APLP2: variants seen among roughly 807,000 people sequenced by gnomAD.
APLP2 encodes the protein CDEI box-binding protein.
APLP2 carries 53 observed loss-of-function variants against 89.9 expected under a neutral mutation model. The observed-to-expected ratio is 0.59, with a 90% confidence interval of 0.47 to 0.74. The LOEUF (loss-of-function observed/expected upper bound fraction) is 0.74, where lower values mean the gene tolerates loss of function less well. Among genes scored for constraint, APLP2 ranks in the 30% least tolerant of loss-of-function variants. The pLI is 0.00. For synonymous variants in APLP2, 372 were observed against 348.6 expected (o/e 1.07, Z -0.75); for missense variants, 973 against 975.9 (o/e 1.00, Z 0.04).
At chr11:130,088,848 C>G (rs1194597724) in intron 1 of APLP2, among the ~76,000 whole-genome samples, 2 of 151,756 alleles carry the variant, frequency 1.3e-5, no homozygotes, top group Non-Finnish European at 2.9e-5. Context: ...CACAGTCTCC[C>G]CCAGGTGGTT....
chr11:130,128,257 G>A lies in APLP2; in HGVS notation c.1296+417G>A, dbSNP rs138347345. 3.4e-3 allele frequency among the ~76,000 whole-genome samples: 524 copies of A among 152,260 alleles called. 1 individual carries two copies. Among genetic ancestry groups the A allele is most frequent in the African/African-American group, 0.012 (501 of 41,532 alleles). ...TTTGTAGACTATAACTAAAATCATA[G>A]CAGCAAACTGCATTCCCCTTCAGTA... On this transcript the variant is annotated intron_variant, in intron 9 of 16. Coordinates refer to ENST00000338167, the MANE Select transcript of APLP2 (RefSeq NM_001142276.2).
At chr11:130,078,165 CT>C (rs780312601) in intron 1 of APLP2, among the ~76,000 whole-genome samples, 1,840 of 135,146 alleles carry the variant, frequency 0.014, 15 homozygotes, top group African/African-American at 0.017. Flanking sequence ...GTTTTTCTTT[CT>C]TTTTTTTTTT....
chr11:130,080,782 C>T (rs1038351422), intron 1 of APLP2, among the ~76,000 whole-genome samples: 15 of 150,234 alleles, frequency 1.0e-4, no homozygotes, highest in African/African-American at 2.9e-4. Context: ...CTGCAAGCTC[C>T]GCCTCCCGGG....
chr11:130,137,287 A>G (rs1466186299), intron 13 of APLP2: 1 of 1,614,018 alleles, frequency 6.2e-7, no homozygotes, highest in Admixed American at 1.7e-5. Context: ...ACCCAATGAA[A>G]AAAGGTTGGT....
intron 1 of APLP2, among the ~76,000 whole-genome samples, chr11:130,090,510 T>C (rs397843840): frequency 1.1e-4 from 16 of 151,380 alleles, no homozygotes; most frequent in East Asian, 1.9e-4. Flanking sequence ...CAAAGCACAT[T>C]TTGCACCGCC....
intron 3 of APLP2, among the ~76,000 whole-genome samples, chr11:130,112,027 A>C (rs1178982210): frequency 6.6e-6 from 1 of 151,842 alleles, no homozygotes; most frequent in Non-Finnish European, 1.5e-5. Flanking sequence ...AGACTCTTCG[A>C]TTCTTTTGTT....
Position 130,141,680 on chromosome 11 carries a change from G to A in APLP2, c.1998+108G>A. The stretch of plus-strand genomic sequence containing the variant: ...CGGGAGAGATGCCTGAGCTAATAAG[G>A]GTCCCTCATCCCCAGCTTTCCGTAC... On this transcript the variant is annotated intron_variant, in intron 15 of 16. Transcript: ENST00000338167. This position sits in a 1 kb window ranked among gnomAD's most constrained non-coding sequence, Gnocchi z 4.2. The A allele has an allele frequency of 2.9e-6, 3 of 1,034,834 alleles. No homozygotes were observed. The highest frequency in any genetic ancestry group is 4.3e-6 in the Non-Finnish European group (3 of 695,158). 64.1% of individuals were successfully genotyped at this position (1,034,834 alleles called of 1,614,324 possible).
intron 1 of APLP2, among the ~76,000 whole-genome samples, chr11:130,098,144 C>T (rs1396219166): frequency 1.3e-5 from 2 of 152,134 alleles, no homozygotes; most frequent in African/African-American, 2.4e-5. Flanking sequence ...CGGTGGCTCA[C>T]GCCTGTAATC....
intron 1 of APLP2, among the ~76,000 whole-genome samples, chr11:130,083,430 C>T (rs1222799655): frequency 6.6e-6 from 1 of 152,106 alleles, no homozygotes; most frequent in Non-Finnish European, 1.5e-5. Flanking sequence ...AAATGTTATA[C>T]AGCAAATCTC....
intron 1 of APLP2, among the ~76,000 whole-genome samples, chr11:130,074,093 C>A (rs1941669417): frequency 6.6e-6 from 1 of 152,164 alleles, no homozygotes; most frequent in South Asian, 2.1e-4. Context: ...CAGCCATCAA[C>A]CTAATGAAAT....
intron 1 of APLP2, among the ~76,000 whole-genome samples, chr11:130,088,211 G>A (rs1474512005): frequency 6.6e-6 from 1 of 152,180 alleles, no homozygotes; most frequent in African/African-American, 2.4e-5. Flanking sequence ...ATATCTGTAA[G>A]TCATCAAAGG....
chr11:130,141,841 T>A lies in APLP2; in HGVS notation c.1999-78T>A. 2.0e-6 allele frequency: 3 copies of A among 1,518,960 alleles called. No homozygotes were observed. The South Asian group carries it at 3.8e-5, about 19-fold the overall frequency. The allele number at this position is 1,518,960 out of a possible 1,614,324, so 94.1% of individuals were successfully genotyped here. A position where few individuals can be genotyped will look rare whatever the true frequency, so the allele number is the denominator to read the frequency against. On this transcript the variant is annotated intron_variant, in intron 15 of 16. Coordinates refer to ENST00000338167, the MANE Select transcript of APLP2 (RefSeq NM_001142276.2). The surrounding 1 kb of genome is among the most constrained non-coding windows in gnomAD (Gnocchi z 4.2). ...TTAGGGGCTCGACCTTCCAGGAGCG[T>A]GGCCCTCAGTGAGTTACTTGCCTCA... is the stretch of plus-strand genomic sequence containing the variant.
chr11:130,094,047 A>ATTTTTT (rs138605738), intron 1 of APLP2, among the ~76,000 whole-genome samples: 3 of 76,382 alleles, frequency 3.9e-5, no homozygotes, highest in African/African-American at 1.0e-4. Context: ...TCCCGGCCGT[A>ATTTTTT]TTTTTTTTTT....
chr11:130,102,192 C>T (rs1207856996), intron 1 of APLP2, among the ~76,000 whole-genome samples: 3 of 152,024 alleles, frequency 2.0e-5, no homozygotes, highest in South Asian at 4.1e-4. Context: ...AGTACTTCAG[C>T]GCTTGAACAA....
In APLP2 at chr11:130,110,661, G is replaced by T; in HGVS notation, c.403G>T (p.Val135Leu). The change falls in exon 3 of 17, where the codon GTG (valine) becomes TTG (leucine). Residue 135 changes from valine to leucine, a missense_variant and splice_region_variant. Coordinates refer to ENST00000338167, the MANE Select transcript of APLP2 (RefSeq NM_001142276.2). ...CTTTGTTACACCTTTCAAGTGTCTC[G>T]GTGAGTGTTCTTGGTTACTTTTCAG... Reference protein sequence around the residue: ...SRFVTPFKCLVGEFVSDVLLV... With the variant: ...SRFVTPFKCLLGEFVSDVLLV... The T allele has an allele frequency of 6.2e-7, 1 of 1,608,616 alleles. No individual in the cohort carries two copies. Among genetic ancestry groups the T allele is most frequent in the African/African-American group, 1.3e-5 (1 of 74,412 alleles).
intron 12 of APLP2, 141 bp from the exon 13 acceptor site, chr11:130,135,422 C>A: frequency 1.0e-6 from 1 of 999,354 alleles, no homozygotes; most frequent in East Asian, 2.5e-5. Flanking sequence ...TGTTGGGGCT[C>A]TGTGGTGCCA....
chr11:130,131,066 G>A (rs1950892625), intron 11 of APLP2, among the ~76,000 whole-genome samples: 1 of 152,230 alleles, frequency 6.6e-6, no homozygotes, highest in South Asian at 2.1e-4. Context: ...CGCTAGTGTA[G>A]AGATAATAAC....
intron 1 of APLP2, chr11:130,070,754 TG>T: frequency 7.0e-7 from 1 of 1,426,708 alleles, no homozygotes; most frequent in Non-Finnish European, 9.2e-7. Flanking sequence ...CTGGGTGCGT[TG>T]ACCGCTTTCG....
intron 1 of APLP2, among the ~76,000 whole-genome samples, chr11:130,075,138 C>CTT (rs1444498007): frequency 6.6e-6 from 1 of 152,086 alleles, no homozygotes; most frequent in Non-Finnish European, 1.5e-5. Context: ...ACCTAAGCAT[C>CTT]GTGAAGTCTT....
Sources: allele counts gnomAD v4.1 joint callset (sites outside exome capture counted in the v4.1 genomes callset), GRCh38; gene constraint gnomAD v4.1.1; non-coding constraint Gnocchi (gnomAD v3.1); transcripts MANE v1.5; gene names NCBI Gene and HGNC (gene_info 2026-07-23, HGNC 2026-07-21).